GUCY1A2: variants seen among roughly 807,000 people sequenced by gnomAD.
The protein encoded by GUCY1A2 is guanylate cyclase 1 soluble subunit alpha 2, also known as guanylate cyclase soluble subunit alpha-2.
Under a neutral mutation model 63.5 loss-of-function variants are expected in GUCY1A2, and 27 were observed. That is an observed-to-expected ratio of 0.43 (90% CI 0.31 to 0.59). The LOEUF is 0.59. GUCY1A2 is among the 20% of genes least tolerant of loss of function. The pLI, the probability that GUCY1A2 is intolerant of heterozygous loss-of-function variation, is 0.11. For missense variants in GUCY1A2, 768 were observed against 913.3 expected, an observed-to-expected ratio of 0.84 and a Z score of 2.05; for synonymous variants, 364 against 343.5, an observed-to-expected ratio of 1.06 and a Z score of -0.66.
chr11:106,854,444 A>G (rs961092756), intron 4 of GUCY1A2, among the ~76,000 whole-genome samples: 1 of 152,182 alleles, frequency 6.6e-6, no homozygotes, highest in East Asian at 1.9e-4. Context: ...AGTGGCAATG[A>G]ACATGGTAGG....
intron 1 of GUCY1A2, among the ~76,000 whole-genome samples, chr11:106,998,336 C>CAG (rs946113976): frequency 2.6e-5 from 4 of 152,252 alleles, no homozygotes; most frequent in Admixed American, 2.6e-4. Context: ...CAGCTGCTTA[C>CAG]AGAGGAGAGG....
At chr11:106,932,980 A>T (rs1860623303) in intron 4 of GUCY1A2, among the ~76,000 whole-genome samples, 1 of 152,156 alleles carries the variant, frequency 6.6e-6, no homozygotes, top group Non-Finnish European at 1.5e-5. Context: ...AGATGGATTA[A>T]ATATTTAAAT....
At chr11:106,829,125 T>G (rs1389867641) in intron 4 of GUCY1A2, among the ~76,000 whole-genome samples, 2 of 152,244 alleles carry the variant, frequency 1.3e-5, no homozygotes, top group Admixed American at 1.3e-4. Flanking sequence ...AATAATAATC[T>G]TCTGATTATC....
At chr11:106,978,899 T>G (rs772458778) in intron 2 of GUCY1A2, among the ~76,000 whole-genome samples, 159 bp from the exon 3 acceptor site, 11 of 152,312 alleles carry the variant, frequency 7.2e-5, no homozygotes, top group Non-Finnish European at 1.3e-4. Context: ...TAACCCACCA[T>G]TCACATCAGC....
chr11:106,844,833 A>T (rs1349284171), intron 4 of GUCY1A2, among the ~76,000 whole-genome samples: 1 of 151,726 alleles, frequency 6.6e-6, no homozygotes, highest in Non-Finnish European at 1.5e-5. Flanking sequence ...TGTTATCAAG[A>T]ACAATATCTT....
chr11:106,761,207 A>G (rs1319857265), intron 6 of GUCY1A2, among the ~76,000 whole-genome samples: 6 of 152,220 alleles, frequency 3.9e-5, no homozygotes, highest in Non-Finnish European at 7.3e-5. Flanking sequence ...AGTATAATCA[A>G]ATACTTTTTT....
chr11:106,855,619 A>T (rs1859418865), intron 4 of GUCY1A2, among the ~76,000 whole-genome samples: 2 of 152,114 alleles, frequency 1.3e-5, no homozygotes, highest in African/African-American at 4.8e-5. Context: ...ATGGAGATAG[A>T]CACTTGTACT....
chr11:106,847,235 A>AG (rs1424023000), intron 4 of GUCY1A2, among the ~76,000 whole-genome samples: 1 of 145,086 alleles, frequency 6.9e-6, no homozygotes, highest in Non-Finnish European at 1.5e-5. Flanking sequence ...AAAACTCAAA[A>AG]AAAAAAATAT....
intron 1 of GUCY1A2, among the ~76,000 whole-genome samples, chr11:106,988,718 T>C (rs1448727453): frequency 3.9e-5 from 6 of 152,210 alleles, no homozygotes; most frequent in East Asian, 1.9e-4. Context: ...CACATTCTAA[T>C]AGCCTAAACC....
intron 4 of GUCY1A2, chr11:106,827,350 T>C (rs1858985753): frequency 6.4e-7 from 1 of 1,560,878 alleles, no homozygotes; most frequent in African/African-American, 1.4e-5. Flanking sequence ...GAAGAAAGTA[T>C]TCCCTATAGC....
At chr11:106,789,894 G>C (rs1386781838) in intron 5 of GUCY1A2, among the ~76,000 whole-genome samples, 2 of 152,124 alleles carry the variant, frequency 1.3e-5, no homozygotes, top group Non-Finnish European at 2.9e-5. Context: ...TGGGGCTTGG[G>C]ATAGAGGGAC....
chr11:106,761,107 T>A (rs1864058554), intron 6 of GUCY1A2, among the ~76,000 whole-genome samples: 1 of 152,172 alleles, frequency 6.6e-6, no homozygotes, highest in Non-Finnish European at 1.5e-5. Flanking sequence ...TACAATATTA[T>A]TTCTCCTTCT....
At chr11:106,779,244 T>C (rs1318116976) in intron 5 of GUCY1A2, among the ~76,000 whole-genome samples, 1 of 152,288 alleles carries the variant, frequency 6.6e-6, no homozygotes, top group East Asian at 1.9e-4. Flanking sequence ...AAAATTATAC[T>C]ATAAGAATAG....
At chr11:106,946,769 A>C (rs1251060446) in intron 3 of GUCY1A2, among the ~76,000 whole-genome samples, 2 of 152,162 alleles carry the variant, frequency 1.3e-5, no homozygotes, top group Non-Finnish European at 2.9e-5. Flanking sequence ...AGTGATGAAA[A>C]TGTTCTAAAA....
chr11:106,946,373 T>A (rs11211984), intron 3 of GUCY1A2, among the ~76,000 whole-genome samples: 13,671 of 151,900 alleles, frequency 0.09, 1,361 homozygotes, highest in East Asian at 0.29. Flanking sequence ...AAAAACAATG[T>A]AAAAGAAATA....
chr11:106,750,649 T>C (rs986172980), intron 6 of GUCY1A2, among the ~76,000 whole-genome samples: 1 of 152,056 alleles, frequency 6.6e-6, no homozygotes, highest in Non-Finnish European at 1.5e-5. Flanking sequence ...AAATGGTTTC[T>C]AAATAAGAAA....
intron 3 of GUCY1A2, among the ~76,000 whole-genome samples, chr11:106,973,784 T>C (rs892381948): frequency 6.6e-6 from 1 of 152,110 alleles, no homozygotes; most frequent in Non-Finnish European, 1.5e-5. Context: ...CCTAAAAAAG[T>C]AAGCAAACCT....
At position 107,017,875 on chromosome 11, in the gene GUCY1A2, GGGCCGGGGCGGCGGCAGCGGCAGCTGC is replaced by G. The variant is rs761705339; in HGVS notation, c.154_180del (p.Ala52_Ala60del). 1.9e-4 allele frequency: 238 copies of G among 1,250,842 alleles called. 4 individuals are homozygous for G. The highest frequency in any genetic ancestry group is 2.6e-4 in the East Asian group (8 of 30,982). 77.5% of individuals were successfully genotyped at this position (1,250,842 alleles called of 1,614,324 possible). ...GCGGCGGCAGAAGCAGCCGGGGTCG[GGGCCGGGGCGGCGGCAGCGGCAGCTGC>G]GGCCGGGCTGGGCTCCAGCGGCCCG... On this transcript the variant is annotated inframe_deletion, in exon 1 of 8. Coordinates refer to ENST00000526355, the MANE Select transcript of GUCY1A2 (RefSeq NM_000855.3).
chr11:107,017,756 G>C lies in GUCY1A2; in HGVS notation c.300C>G (p.Pro100=). 7.1e-7 allele frequency: 1 copy of C among 1,410,224 alleles called. No homozygotes were observed. Among genetic ancestry groups the C allele is most frequent in the Non-Finnish European group, 9.2e-7 (1 of 1,081,198 alleles). 87.4% of individuals were successfully genotyped at this position (1,410,224 alleles called of 1,614,324 possible). The part of the protein sequence containing the change: ...LGESISRLTA[P]SPQTIQQTLK... ...CCCCCTTCCGCCCCCCGCTCACCGA[G>C]GGCGCCGTCAGGCGGCTGATGCTCT... The change falls in exon 1 of 8, where the codon CCC becomes CCG. Residue 100 remains proline, a synonymous_variant. Transcript: ENST00000526355.
Sources: allele counts gnomAD v4.1 joint callset (sites outside exome capture counted in the v4.1 genomes callset), GRCh38; gene constraint gnomAD v4.1.1; transcripts MANE v1.5; gene names NCBI Gene and HGNC (gene_info 2026-07-23, HGNC 2026-07-21).